KCTD1: variants seen among roughly 807,000 people sequenced by gnomAD.
KCTD1 encodes the protein BTB/POZ domain-containing protein KCTD1.
Under a neutral mutation model 66.0 loss-of-function variants are expected in KCTD1, and 24 were observed. The observed-to-expected ratio is 0.36, with a 90% CI of 0.26 to 0.51. The LOEUF (loss-of-function observed/expected upper bound fraction) is 0.51, where lower values mean the gene tolerates loss of function less well. KCTD1 is among the 20% of genes least tolerant of loss of function. The pLI is 0.95. For synonymous variants in KCTD1, 511 were observed against 517.2 expected (o/e 0.99, Z 0.16); for missense variants, 943 against 1,205.2 (o/e 0.78, Z 3.22).
chr18:26,558,976 T>G (rs1320369085), intron 1 of KCTD1, among the ~76,000 whole-genome samples: 1 of 151,764 alleles, frequency 6.6e-6, no homozygotes, highest in Non-Finnish European at 1.5e-5. Context: ...TGAGATCCTG[T>G]CATTTGCACC....
chr18:26,655,451 C>CA (rs1555650087), intron 1 of KCTD1, among the ~76,000 whole-genome samples: 1 of 151,910 alleles, frequency 6.6e-6, no homozygotes, highest in Non-Finnish European at 1.5e-5. Flanking sequence ...CACACACACA[C>CA]AGACACACAC....
upstream of KCTD1, among the ~76,000 whole-genome samples, chr18:26,640,829 A>T (rs779889252): frequency 6.6e-6 from 1 of 152,142 alleles, no homozygotes; most frequent in East Asian, 1.9e-4. Flanking sequence ...AAGTCAAGGA[A>T]CATGAGGTTC....
At chr18:26,649,711 T>A (rs138244439) in intron 1 of KCTD1, among the ~76,000 whole-genome samples, 1 of 152,290 alleles carries the variant, frequency 6.6e-6, no homozygotes, top group East Asian at 1.9e-4. Context: ...GGTTTCACCA[T>A]GTTGGCCAGG....
chr18:26,487,801 A>G (rs753058506), intron 2 of KCTD1, among the ~76,000 whole-genome samples: 3 of 152,226 alleles, frequency 2.0e-5, no homozygotes, highest in Non-Finnish European at 4.4e-5. Context: ...GGTGATAGGA[A>G]TATCTATCAA....
chr18:26,546,942 G>A lies in KCTD1; in HGVS notation c.1595C>T (p.Pro532Leu). The A allele has an allele frequency of 6.8e-7, 1 of 1,474,622 alleles. No homozygotes were observed. The highest frequency in any genetic ancestry group is 1.4e-5 in the South Asian group (1 of 71,550). 91.3% of individuals were successfully genotyped at this position (1,474,622 alleles called of 1,614,324 possible). A position where few individuals can be genotyped will look rare whatever the true frequency, so the allele number is the denominator to read the frequency against. Residue 532 changes from proline (P) to leucine (L), a missense_variant, in exon 1 of 5, where the codon CCC becomes CTC. Coordinates refer to ENST00000580059, the MANE Select transcript of KCTD1 (RefSeq NM_001142730.3). ...VGPDVKSEAA[P>L]KRALYESVFG... The stretch of plus-strand genomic sequence containing the variant: ...CACAGACTCGTACAGGGCGCGCTTG[G>A]GCGCAGCCTCGGATTTCACGTCGGG...
intron 2 of KCTD1, among the ~76,000 whole-genome samples, chr18:26,497,394 A>C (rs915225281): frequency 6.6e-6 from 1 of 152,094 alleles, no homozygotes; most frequent in African/African-American, 2.4e-5. Context: ...GCACCCCAGA[A>C]TCTACAAAAC....
chr18:26,551,579 A>G (rs1985568682), upstream of KCTD1, among the ~76,000 whole-genome samples: 1 of 152,174 alleles, frequency 6.6e-6, no homozygotes. Flanking sequence ...TCTTTGGGCT[A>G]CTATCTATAG....
At chr18:26,549,025 G>A (rs570391460), upstream of KCTD1, 3 of 985,070 alleles carry the variant, frequency 3.0e-6, no homozygotes, top group South Asian at 4.7e-5. Context: ...CCCCGGAGCC[G>A]GGGGGTCGGG....
At chr18:26,652,658 A>G (rs1363287464) in intron 1 of KCTD1, among the ~76,000 whole-genome samples, 2 of 152,224 alleles carry the variant, frequency 1.3e-5, no homozygotes, top group Non-Finnish European at 2.9e-5. Context: ...AGCATTTTGG[A>G]TAACAGGATA....
At chr18:26,634,175 C>CA (rs35460667), upstream of KCTD1, among the ~76,000 whole-genome samples, 3 of 151,806 alleles carry the variant, frequency 2.0e-5, 1 homozygote, top group African/African-American at 7.2e-5. Flanking sequence ...TTCAGGGTGG[C>CA]AAAAAAGTGG....
In KCTD1 at chr18:26,529,563, C is replaced by A. The variant is rs116514559; in HGVS notation, c.1809+17165G>T. Among the ~76,000 whole-genome samples, 234 of 152,254 alleles carry A rather than the reference C, an allele frequency of 1.5e-3. 2 individuals carry two copies. The highest frequency in any genetic ancestry group is 5.1e-3 in the African/African-American group (211 of 41,538). On this transcript the variant is annotated intron_variant, in intron 1 of 4. Coordinates refer to ENST00000580059, the MANE Select transcript of KCTD1 (RefSeq NM_001142730.3). Reference sequence around the variant, plus strand: ...CCCCAGAAGTTAAAACAGAGTAAATCCCAAAGGAAAAGAAGAACCAAGAGA... The same window carrying A: ...CCCCAGAAGTTAAAACAGAGTAAATACCAAAGGAAAAGAAGAACCAAGAGA...
At chr18:26,627,528 T>C (rs1987529558) in intron 1 of KCTD1, among the ~76,000 whole-genome samples, 1 of 152,180 alleles carries the variant, frequency 6.6e-6, no homozygotes, top group Non-Finnish European at 1.5e-5. Context: ...TGCAACTAAT[T>C]ATCCCAATGC....
chr18:26,482,843 G>A (rs1037457564), intron 2 of KCTD1, among the ~76,000 whole-genome samples: 5 of 152,222 alleles, frequency 3.3e-5, no homozygotes, highest in African/African-American at 1.2e-4. Context: ...TCCTGCTCAG[G>A]GGTGAGGCTG....
intron 3 of KCTD1, 48 bp from the exon 4 acceptor site, chr18:26,459,973 A>G (rs1376062059): frequency 7.3e-7 from 1 of 1,372,104 alleles, no homozygotes; most frequent in Non-Finnish European, 9.9e-7. Flanking sequence ...AACATAAAGT[A>G]CTAAACATGT....
chr18:26,528,722 G>A (rs1296163538), intron 1 of KCTD1, among the ~76,000 whole-genome samples: 1 of 152,158 alleles, frequency 6.6e-6, no homozygotes, highest in Non-Finnish European at 1.5e-5. Flanking sequence ...CTATAGAGAA[G>A]CTGCAGGACA....
chr18:26,598,275 A>G (rs556533245), intron 1 of KCTD1, among the ~76,000 whole-genome samples: 2 of 152,354 alleles, frequency 1.3e-5, no homozygotes, highest in Admixed American at 6.5e-5. Context: ...TGTTCCATGT[A>G]TCAGAACTTC....
intron 1 of KCTD1, among the ~76,000 whole-genome samples, chr18:26,506,447 G>A (rs963946610): frequency 6.6e-5 from 10 of 152,182 alleles, no homozygotes; most frequent in Admixed American, 2.0e-4. Flanking sequence ...ACAAACACTG[G>A]GAGGTTGGAA....
upstream of KCTD1, among the ~76,000 whole-genome samples, chr18:26,632,078 A>C (rs56899719): frequency 5.1e-4 from 75 of 148,466 alleles, no homozygotes; most frequent in East Asian, 1.2e-3. Context: ...ACAAAAAAAA[A>C]CCATTTCATT....
chr18:26,577,503 T>A (rs548838072), intron 1 of KCTD1, among the ~76,000 whole-genome samples: 1 of 152,182 alleles, frequency 6.6e-6, no homozygotes, highest in African/African-American at 2.4e-5. Flanking sequence ...TTCTTTTCAA[T>A]GTGATTATTT....
Sources: gnomAD v4.1 joint callset for allele counts (sites outside exome capture counted in the v4.1 genomes callset) on GRCh38, gnomAD v4.1.1 for gene constraint, MANE v1.5 for transcripts, NCBI Gene and HGNC (gene_info 2026-07-23, HGNC 2026-07-21) for gene names.